Variants in ACSS3 observed in about 807,000 individuals in gnomAD.
ACSS3 encodes the protein acyl-CoA synthetase short-chain family member 3, mitochondrial.
A neutral mutation model predicts 84.2 loss-of-function variants in ACSS3; 64 were observed. That is an observed-to-expected ratio of 0.76 (90% confidence interval 0.62 to 0.94). ACSS3 has a LOEUF of 0.94. Among genes scored for constraint, ACSS3 ranks in the 40% least tolerant of loss-of-function variants. ACSS3 has a pLI of 0.00. For synonymous variants in ACSS3, 317 were observed against 310.1 expected (o/e 1.02, Z -0.23); for missense variants, 815 against 867.6 (o/e 0.94, Z 0.76).
At chr12:81,106,119 C>T (rs975798328) in intron 1 of ACSS3, among the ~76,000 whole-genome samples, 2 of 152,156 alleles carry the variant, frequency 1.3e-5, no homozygotes, top group African/African-American at 4.8e-5. Context: ...AGTCTGTGGC[C>T]TGTTAGGAAC....
chr12:81,216,805 A>T, intron 9 of ACSS3, 96 bp from the exon 10 acceptor site: 1 of 948,368 alleles, frequency 1.1e-6, no homozygotes, highest in Non-Finnish European at 1.7e-6. Context: ...GCTGCATTGT[A>T]TGACAAACTA....
chr12:81,195,317 A>G (rs1352903234), intron 8 of ACSS3, among the ~76,000 whole-genome samples: 1 of 151,910 alleles, frequency 6.6e-6, no homozygotes, highest in Non-Finnish European at 1.5e-5. Flanking sequence ...TGGCCTTTAT[A>G]TTTTTTATTT....
chr12:81,238,212 C>T (rs990471288), intron 13 of ACSS3, among the ~76,000 whole-genome samples: 2 of 151,638 alleles, frequency 1.3e-5, no homozygotes, highest in African/African-American at 4.8e-5. Context: ...TAAATTCCAC[C>T]TGGTCATGGT....
chr12:81,254,939 C>T lies in ACSS3; in HGVS notation c.*17C>T. On this transcript the variant is annotated 3_prime_UTR_variant, in exon 16 of 16. Coordinates refer to ENST00000548058, the MANE Select transcript of ACSS3 (RefSeq NM_024560.4). ...CAAGCATAATGAGTTTGTCTTATTC[C>T]TATTTTGAGTTGATTTAATTTCTTA... is the stretch of plus-strand genomic sequence containing the variant. 1 of 1,552,856 alleles carries T rather than the reference C, an allele frequency of 6.4e-7. No homozygotes were observed. The highest frequency in any genetic ancestry group is 8.7e-7 in the Non-Finnish European group (1 of 1,144,786).
chr12:81,180,787 A>G (rs1043241575), intron 8 of ACSS3, among the ~76,000 whole-genome samples: 1 of 152,212 alleles, frequency 6.6e-6, no homozygotes, highest in African/African-American at 2.4e-5. Context: ...AAGTGCTGGG[A>G]TTACAAGAAT....
intron 13 of ACSS3, among the ~76,000 whole-genome samples, chr12:81,245,612 A>G (rs1223733350): frequency 6.6e-6 from 1 of 152,140 alleles, no homozygotes; most frequent in East Asian, 1.9e-4. Flanking sequence ...GGAAAAAGGA[A>G]CACAGTGTTT....
At chr12:81,216,223 T>C (rs2135941537) in intron 9 of ACSS3, among the ~76,000 whole-genome samples, 1 of 150,832 alleles carries the variant, frequency 6.6e-6, no homozygotes, top group African/African-American at 2.4e-5. Context: ...AATTTTAGGG[T>C]ACGTGTGCAC....
chr12:81,175,097 A>C (rs1374433114), intron 8 of ACSS3, among the ~76,000 whole-genome samples, 158 bp downstream of exon 8: 1 of 152,236 alleles, frequency 6.6e-6, no homozygotes, highest in Admixed American at 6.5e-5. Flanking sequence ...ATTTTGAAAT[A>C]GTTGGAATTT....
intron 1 of ACSS3, among the ~76,000 whole-genome samples, chr12:81,090,540 A>G (rs912062235): frequency 1.3e-5 from 2 of 152,006 alleles, no homozygotes; most frequent in East Asian, 3.8e-4. Context: ...CATCTCCTAA[A>G]TCTGATTTTT....
At chr12:81,229,575 G>A (rs1480113216) in intron 11 of ACSS3, among the ~76,000 whole-genome samples, 1 of 151,812 alleles carries the variant, frequency 6.6e-6, no homozygotes, top group East Asian at 1.9e-4. Context: ...TACATAATAA[G>A]CTCAGTTAAG....
At chr12:81,154,709 G>T (rs1054766044) in intron 7 of ACSS3, among the ~76,000 whole-genome samples, 1 of 152,060 alleles carries the variant, frequency 6.6e-6, no homozygotes, top group African/African-American at 2.4e-5. Context: ...CTGCAGCAGG[G>T]GTCACCAGTG....
At chr12:81,130,857 TC>T (rs1337149230) in intron 2 of ACSS3, among the ~76,000 whole-genome samples, 2 of 152,202 alleles carry the variant, frequency 1.3e-5, no homozygotes, top group Admixed American at 1.3e-4. Flanking sequence ...GCTAGCCAGT[TC>T]TTCCAGCTCC....
At chr12:81,193,537 G>A (rs1259504484) in intron 8 of ACSS3, among the ~76,000 whole-genome samples, 1 of 151,704 alleles carries the variant, frequency 6.6e-6, no homozygotes, top group African/African-American at 2.4e-5. Flanking sequence ...TAGGTCTCAT[G>A]CCCATTCATT....
At chr12:81,225,734 G>A (rs973723697) in intron 11 of ACSS3, among the ~76,000 whole-genome samples, 1 of 151,828 alleles carries the variant, frequency 6.6e-6, no homozygotes, top group African/African-American at 2.4e-5. Flanking sequence ...GGATCTCCAC[G>A]TGTCTGTGAT....
At chr12:81,134,204 G>A (rs1297261708) in intron 2 of ACSS3, among the ~76,000 whole-genome samples, 1 of 151,994 alleles carries the variant, frequency 6.6e-6, no homozygotes, top group Admixed American at 6.6e-5. Flanking sequence ...ACCTGTGATC[G>A]TGTCCTGTTA....
intron 13 of ACSS3, among the ~76,000 whole-genome samples, chr12:81,243,010 G>A (rs1310725499): frequency 6.6e-6 from 1 of 151,888 alleles, no homozygotes. Context: ...TCTGGCTAGG[G>A]CAATTAGGCA....
At chr12:81,241,494 C>T (rs2033801884) in intron 13 of ACSS3, among the ~76,000 whole-genome samples, 1 of 152,096 alleles carries the variant, frequency 6.6e-6, no homozygotes, top group East Asian at 1.9e-4. Flanking sequence ...CTCTCCAGTA[C>T]CTGTTGTTTC....
At chr12:81,087,811 T>C (rs1267313005) in intron 1 of ACSS3, among the ~76,000 whole-genome samples, 1 of 152,114 alleles carries the variant, frequency 6.6e-6, no homozygotes, top group Non-Finnish European at 1.5e-5. Context: ...CTCTTATCAA[T>C]GGGATTTGTT....
At chr12:81,124,922 A>G (rs1884949141) in intron 2 of ACSS3, among the ~76,000 whole-genome samples, 1 of 152,226 alleles carries the variant, frequency 6.6e-6, no homozygotes, top group African/African-American at 2.4e-5. Context: ...TCTTAAAAGC[A>G]TGCATAAATT....
Sources: allele counts gnomAD v4.1 joint callset (sites outside exome capture counted in the v4.1 genomes callset), GRCh38; gene constraint gnomAD v4.1.1; transcripts MANE v1.5; gene names NCBI Gene and HGNC (gene_info 2026-07-23, HGNC 2026-07-21).